Variants in OIT3 observed in about 807,000 individuals in gnomAD.
The protein encoded by OIT3 is oncoprotein induced transcript 3.
OIT3 carries 41 observed loss-of-function variants against 52.2 expected under a neutral mutation model. That is an observed-to-expected ratio of 0.79 (90% CI 0.61 to 1.02). The LOEUF (loss-of-function observed/expected upper bound fraction) is 1.02. OIT3 is among the 50% of genes least tolerant of loss of function. The probability of loss-of-function intolerance (pLI) is 0.00; values close to 1 mark genes in which losing one functional copy is unlikely to be tolerated. For synonymous variants in OIT3, 244 were observed against 276.9 expected (o/e 0.88, Z 1.18); for missense variants, 634 against 715.5 (o/e 0.89, Z 1.30).
intron 6 of OIT3, among the ~76,000 whole-genome samples, chr10:72,919,197 A>G (rs1221641006): frequency 1.3e-5 from 2 of 151,714 alleles, no homozygotes; most frequent in Admixed American, 6.6e-5. Context: ...TAGTTATTTT[A>G]TTCTTTTCGT....
At chr10:72,918,088 T>C in intron 6 of OIT3, 1 of 1,279,568 alleles carries the variant, frequency 7.8e-7, no homozygotes, top group Non-Finnish European at 1.1e-6. Flanking sequence ...TGTGGAACCT[T>C]GCTACCACCT....
intron 4 of OIT3, among the ~76,000 whole-genome samples, chr10:72,907,971 A>G (rs1392001415): frequency 6.6e-6 from 1 of 152,230 alleles, no homozygotes; most frequent in East Asian, 1.9e-4. Context: ...GGCCAGGCAT[A>G]GTGGCTTACG....
intron 6 of OIT3, among the ~76,000 whole-genome samples, chr10:72,916,598 T>G (rs1347340354): frequency 1.3e-5 from 2 of 152,238 alleles, no homozygotes; most frequent in African/African-American, 4.8e-5. Flanking sequence ...GTTGATTCCA[T>G]GTCTTTGCTC....
intron 4 of OIT3, among the ~76,000 whole-genome samples, chr10:72,908,116 G>A (rs1254942464): frequency 6.6e-6 from 1 of 152,020 alleles, no homozygotes; most frequent in South Asian, 2.1e-4. Context: ...GGTGGCGGGC[G>A]CCTGTAATCC....
chr10:72,916,190 G>C (rs1038133512), intron 6 of OIT3, among the ~76,000 whole-genome samples: 1 of 151,960 alleles, frequency 6.6e-6, no homozygotes, highest in African/African-American at 2.4e-5. Flanking sequence ...TAAGTTCAGG[G>C]GTACATGTGC....
At chr10:72,908,297 G>A (rs945808810) in intron 4 of OIT3, among the ~76,000 whole-genome samples, 1 of 152,066 alleles carries the variant, frequency 6.6e-6, no homozygotes, top group African/African-American at 2.4e-5. Flanking sequence ...ATGACACCCT[G>A]CAGATTATAT....
At chr10:72,911,225 C>T (rs145818582) in intron 4 of OIT3, among the ~76,000 whole-genome samples, 2 of 152,184 alleles carry the variant, frequency 1.3e-5, no homozygotes, top group Non-Finnish European at 2.9e-5. Context: ...CCGTTTACCC[C>T]CAGTGCTCTT....
intron 6 of OIT3, among the ~76,000 whole-genome samples, chr10:72,916,658 T>A (rs563198147): frequency 2.7e-4 from 41 of 152,340 alleles, no homozygotes; most frequent in African/African-American, 9.9e-4. Flanking sequence ...TGTGTCTTTA[T>A]AATAGGATGA....
chr10:72,907,470 G>C (rs1318128286), intron 4 of OIT3, among the ~76,000 whole-genome samples: 1 of 152,198 alleles, frequency 6.6e-6, no homozygotes, highest in Non-Finnish European at 1.5e-5. Context: ...AATAGAGGCA[G>C]TAGCATAACC....
chr10:72,916,795 A>G lies in OIT3; in HGVS notation c.951+3327A>G, dbSNP rs566554824. On this transcript the variant is annotated intron_variant, in intron 6 of 8. Coordinates refer to ENST00000334011, the MANE Select transcript of OIT3 (RefSeq NM_152635.3). ...GTTGAACTAATTTACACTCCCACCA[A>G]CAGTGTAAAAACATTCCTTTTTCTC... is the stretch of plus-strand genomic sequence containing the variant. 3.3e-5 allele frequency among the ~76,000 whole-genome samples: 5 copies of G among 152,310 alleles called. No homozygotes were observed. In the South Asian group the frequency reaches 1.0e-3, roughly 32 times the overall value.
intron 7 of OIT3, among the ~76,000 whole-genome samples, chr10:72,927,184 G>A (rs1457534103): frequency 6.6e-6 from 1 of 151,988 alleles, no homozygotes; most frequent in African/African-American, 2.4e-5. Context: ...TGTAGCTCAG[G>A]CTGGAGTGCA....
intron 4 of OIT3, among the ~76,000 whole-genome samples, chr10:72,907,082 C>G: frequency 6.6e-6 from 1 of 152,006 alleles, no homozygotes; most frequent in African/African-American, 2.4e-5. Flanking sequence ...GCCTGGGCAA[C>G]ATAGTAAGAC....
intron 1 of OIT3, among the ~76,000 whole-genome samples, chr10:72,896,355 T>C (rs565577161): frequency 6.6e-6 from 1 of 152,178 alleles, no homozygotes; most frequent in Non-Finnish European, 1.5e-5. Context: ...AAGTCACAGC[T>C]GGGAGAGCAA....
At chr10:72,894,728 A>G (rs1030462681) in intron 1 of OIT3, among the ~76,000 whole-genome samples, 3 of 152,118 alleles carry the variant, frequency 2.0e-5, no homozygotes, top group Admixed American at 6.5e-5. Flanking sequence ...AAATACATAC[A>G]CACAAAAAAA....
At chr10:72,909,207 C>T (rs1331439037) in intron 4 of OIT3, among the ~76,000 whole-genome samples, 1 of 151,072 alleles carries the variant, frequency 6.6e-6, no homozygotes, top group Admixed American at 6.6e-5. Context: ...GTAGCTTCCA[C>T]CTGCCTGGGC....
intron 6 of OIT3, among the ~76,000 whole-genome samples, chr10:72,914,309 T>C (rs1846055416): frequency 6.6e-6 from 1 of 151,896 alleles, no homozygotes; most frequent in Admixed American, 6.6e-5. Context: ...CCCACAGAAA[T>C]GGGTTTAGGT....
At position 72,924,341 on chromosome 10, in the gene OIT3, C is replaced by T; in HGVS notation, c.1064C>T (p.Thr355Ile). ...ACCAGCAAGCTGCTGATCCCGGTGACCTGCGAGTTTCCACGCCTGTACACC... is the reference window on the plus strand; with the variant it reads ...ACCAGCAAGCTGCTGATCCCGGTGATCTGCGAGTTTCCACGCCTGTACACC... Reference protein sequence around the residue: ...IRTSKLLIPVTCEFPRLYTIS... With the variant: ...IRTSKLLIPVICEFPRLYTIS... Residue 355 changes from threonine (T) to isoleucine (I), a missense_variant, in exon 7 of 9, where the codon ACC (threonine) becomes ATC (isoleucine). Coordinates refer to ENST00000334011, the MANE Select transcript of OIT3 (RefSeq NM_152635.3). 4 of 1,614,140 alleles carry T rather than the reference C, an allele frequency of 2.5e-6. No homozygotes were observed. The highest frequency in any genetic ancestry group is 3.4e-6 in the Non-Finnish European group (4 of 1,180,016).
At chr10:72,914,786 G>A (rs771937737) in intron 6 of OIT3, among the ~76,000 whole-genome samples, 11 of 152,138 alleles carry the variant, frequency 7.2e-5, no homozygotes, top group East Asian at 3.9e-4. Context: ...CTTTGAATTC[G>A]CTGATTCTGC....
rs187072047 is a variant in OIT3, at chr10:72,932,398, C to T, written c.1512C>T (p.Asp504=). ...GGGTTCTTGTCTGTGGAGTGTTGGACGAGCGTTCCCGCTGTGCCCAGGGTT... is the reference window on the plus strand; with the variant it reads ...GGGTTCTTGTCTGTGGAGTGTTGGATGAGCGTTCCCGCTGTGCCCAGGGTT... ...HCRVLVCGVL[D]ERSRCAQGCH... Residue 504 remains aspartate, a synonymous_variant, in exon 9 of 9, where the codon GAC becomes GAT. Coordinates refer to ENST00000334011, the MANE Select transcript of OIT3 (RefSeq NM_152635.3). 4.3e-5 allele frequency: 69 copies of T among 1,614,146 alleles called. No individual in the cohort carries two copies. In the East Asian group the frequency reaches 9.6e-4, roughly 22 times the overall value.
Sources: gnomAD v4.1 joint callset for allele counts (sites outside exome capture counted in the v4.1 genomes callset) on GRCh38, gnomAD v4.1.1 for gene constraint, MANE v1.5 for transcripts, NCBI Gene and HGNC (gene_info 2026-07-23, HGNC 2026-07-21) for gene names.